Variants in GTF2F2 observed in about 807,000 individuals in gnomAD.
GTF2F2 encodes the protein ATP-dependent helicase GTF2F2.
GTF2F2 carries 23 observed loss-of-function variants against 42.2 expected under a neutral mutation model. The observed-to-expected ratio is 0.55, with a 90% CI of 0.39 to 0.77. GTF2F2 has a LOEUF of 0.77. Among genes scored for constraint, GTF2F2 ranks in the 30% least tolerant of loss-of-function variants. The pLI is 0.00. For synonymous variants in GTF2F2, 105 were observed against 100.8 expected, an observed-to-expected ratio of 1.04 and a Z score of -0.25; for missense variants, 261 against 287.2, an observed-to-expected ratio of 0.91 and a Z score of 0.66.
intron 4 of GTF2F2, among the ~76,000 whole-genome samples, chr13:45,163,611 T>A (rs952288963): frequency 8.5e-5 from 13 of 152,338 alleles, no homozygotes; most frequent in South Asian, 2.1e-4. Context: ...AATTTTAAAA[T>A]ACTTTAATTT....
At chr13:45,125,541 A>G (rs987598349) in intron 1 of GTF2F2, among the ~76,000 whole-genome samples, 5 of 151,930 alleles carry the variant, frequency 3.3e-5, no homozygotes, top group African/African-American at 4.8e-5. Context: ...GATGGTCTCA[A>G]TCTCTTGACC....
chr13:45,175,816 G>A (rs1369229393), intron 4 of GTF2F2, among the ~76,000 whole-genome samples: 1 of 152,084 alleles, frequency 6.6e-6, no homozygotes, highest in Non-Finnish European at 1.5e-5. Context: ...TAGAGATGGG[G>A]TTTCTCTGTG....
intron 7 of GTF2F2, among the ~76,000 whole-genome samples, chr13:45,275,519 T>C (rs1455563440): frequency 4.3e-4 from 62 of 144,172 alleles, no homozygotes; most frequent in Non-Finnish European, 6.0e-4. Context: ...GTTCTCATTG[T>C]TCAATTCCCA....
Position 45,267,284 on chromosome 13 carries a change from AAAC to A in GTF2F2, c.543_545del (p.Gln181del). On this transcript the variant is annotated inframe_deletion, in exon 7 of 8. Coordinates refer to ENST00000340473, the MANE Select transcript of GTF2F2 (RefSeq NM_004128.3). ...AGACGGAAAGCGAGCTCGAGCTGAT[AAAC>A]AACATGTTTTAGACATGCTATTTTC... The A allele has an allele frequency of 6.2e-7, 1 of 1,612,482 alleles. No homozygotes were observed.
chr13:45,173,362 T>G (rs951491932), intron 4 of GTF2F2, among the ~76,000 whole-genome samples: 2 of 138,572 alleles, frequency 1.4e-5, no homozygotes, highest in Non-Finnish European at 3.2e-5. Flanking sequence ...GTTTTACTTG[T>G]ACTTAACTGT....
chr13:45,170,945 A>G (rs181289911), intron 4 of GTF2F2, among the ~76,000 whole-genome samples: 253 of 152,290 alleles, frequency 1.7e-3, no homozygotes, highest in Non-Finnish European at 2.7e-3. Flanking sequence ...GTCAGTCAGA[A>G]TGGTAACAGA....
At chr13:45,278,731 C>A (rs773547455) in intron 7 of GTF2F2, among the ~76,000 whole-genome samples, 1 of 151,830 alleles carries the variant, frequency 6.6e-6, no homozygotes, top group Admixed American at 6.6e-5. Context: ...GTGTTAGGTG[C>A]CCCCTTCTCA....
intron 4 of GTF2F2, among the ~76,000 whole-genome samples, chr13:45,188,944 T>C (rs953938432): frequency 7.9e-5 from 12 of 152,102 alleles, no homozygotes; most frequent in African/African-American, 2.9e-4. Flanking sequence ...AGGGTACATG[T>C]GCACAATGTG....
At chr13:45,174,827 CT>C (rs1871793506) in intron 4 of GTF2F2, among the ~76,000 whole-genome samples, 1 of 151,862 alleles carries the variant, frequency 6.6e-6, no homozygotes, top group Admixed American at 6.6e-5. Flanking sequence ...GGAGATTTTT[CT>C]TTAACACTCA....
At position 45,283,599 on chromosome 13, in the gene GTF2F2, A is replaced by G; in HGVS notation, c.*38A>G. On this transcript the variant is annotated 3_prime_UTR_variant, in exon 8 of 8. Transcript: ENST00000340473. ...CCAGCATGCTAGTGAAACGACTAGC[A>G]GCGATGCTATGCAAAAGGCGCTGAT... is the stretch of plus-strand genomic sequence containing the variant. The G allele has an allele frequency of 1.3e-6, 2 of 1,552,904 alleles. No homozygotes were observed. Among genetic ancestry groups the G allele is most frequent in the Non-Finnish European group, 1.7e-6 (2 of 1,151,138 alleles).
intron 6 of GTF2F2, among the ~76,000 whole-genome samples, chr13:45,256,572 G>A (rs535028477): frequency 4.5e-4 from 68 of 152,158 alleles, no homozygotes; most frequent in Non-Finnish European, 2.8e-4. Flanking sequence ...CTACCACATT[G>A]CATTTGAATG....
intron 6 of GTF2F2, among the ~76,000 whole-genome samples, chr13:45,260,218 C>G (rs979405304): frequency 6.6e-6 from 1 of 152,152 alleles, no homozygotes; most frequent in South Asian, 2.1e-4. Flanking sequence ...AGTGGTTGAT[C>G]TTTTAAAGTT....
intron 1 of GTF2F2, among the ~76,000 whole-genome samples, chr13:45,125,763 G>A (rs1868963263): frequency 1.3e-5 from 2 of 152,166 alleles, no homozygotes; most frequent in Non-Finnish European, 2.9e-5. Flanking sequence ...TCATAGATTG[G>A]GTTCCCTGAG....
intron 5 of GTF2F2, among the ~76,000 whole-genome samples, chr13:45,228,693 G>A (rs1277078477): frequency 3.0e-4 from 21 of 70,800 alleles, no homozygotes; most frequent in Non-Finnish European, 5.0e-4. Context: ...TTTTTGAGAC[G>A]GAGTTTTGCT....
intron 4 of GTF2F2, chr13:45,206,906 C>T (rs1873435722): frequency 6.6e-6 from 1 of 152,158 alleles, no homozygotes; most frequent in Non-Finnish European, 1.5e-5. Context: ...TGAACTGGTA[C>T]ACAATATAAC....
chr13:45,136,647 A>G (rs892197498), intron 1 of GTF2F2, 86 bp from the exon 2 acceptor site: 5 of 726,958 alleles, frequency 6.9e-6, no homozygotes, highest in Non-Finnish European at 1.2e-5. Context: ...AGAGGCAGAA[A>G]ATAAAAATAG....
chr13:45,212,494 T>TCTTTCTTC, intron 5 of GTF2F2, among the ~76,000 whole-genome samples: 1 of 120,658 alleles, frequency 8.3e-6, no homozygotes, highest in East Asian at 2.0e-4. Context: ...TTTCTTTCTT[T>TCTTTCTTC]CTTTCTTTCT....
At chr13:45,165,806 C>CTTTTTTTTTTTTTTTTTT (rs5803286) in intron 4 of GTF2F2, among the ~76,000 whole-genome samples, 1 of 88,888 alleles carries the variant, frequency 1.1e-5, no homozygotes, top group Non-Finnish European at 2.0e-5. Context: ...TCAGTACATT[C>CTTTTTTTTTTTTTTTTTT]TTTTTTTTTT....
At chr13:45,266,942 G>A (rs1876586432) in intron 6 of GTF2F2, among the ~76,000 whole-genome samples, 1 of 152,194 alleles carries the variant, frequency 6.6e-6, no homozygotes, top group African/African-American at 2.4e-5. Context: ...GAGGTCAGGA[G>A]TTCCAGGCCA....
Sources: allele counts gnomAD v4.1 joint callset (sites outside exome capture counted in the v4.1 genomes callset), GRCh38; gene constraint gnomAD v4.1.1; transcripts MANE v1.5; gene names NCBI Gene and HGNC (gene_info 2026-07-23, HGNC 2026-07-21).